Variants in SPAG17 observed in about 807,000 individuals in gnomAD.
The protein encoded by SPAG17 is sperm associated antigen 17, also known as sperm-associated antigen 17.
In SPAG17, 169 loss-of-function variants were observed where a neutral mutation model predicts 273.6. That is an observed-to-expected ratio of 0.62 (90% CI 0.55 to 0.70). SPAG17 has a LOEUF of 0.70. SPAG17 is among the 30% of genes least tolerant of loss of function. The pLI, the probability that SPAG17 is intolerant of heterozygous loss-of-function variation, is 0.00. For missense variants in SPAG17, 2,557 were observed against 2,627.8 expected (o/e 0.97, Z 0.59); for synonymous variants, 825 against 873.2 (o/e 0.94, Z 0.97).
intron 43 of SPAG17, among the ~76,000 whole-genome samples, chr1:117,977,432 G>A (rs952818457): frequency 6.6e-6 from 1 of 152,214 alleles, no homozygotes; most frequent in African/African-American, 2.4e-5. Context: ...CCCTAGCTCA[G>A]TCACAAATTT....
intron 3 of SPAG17, among the ~76,000 whole-genome samples, chr1:118,138,584 C>A (rs1308592477): frequency 6.6e-6 from 1 of 152,126 alleles, no homozygotes; most frequent in Non-Finnish European, 1.5e-5. Flanking sequence ...AACCAAATTT[C>A]TTTGTGAACC....
chr1:117,978,702 T>C (rs533346646), intron 43 of SPAG17, among the ~76,000 whole-genome samples: 56 of 152,304 alleles, frequency 3.7e-4, no homozygotes, highest in African/African-American at 1.3e-3. Context: ...GCTCTGAAAC[T>C]GCCCTTGTTA....
chr1:117,991,620 A>G (rs1657085963), intron 36 of SPAG17, 92 bp from the exon 37 acceptor site: 2 of 743,874 alleles, frequency 2.7e-6, no homozygotes, highest in Non-Finnish European at 2.2e-6. Context: ...ATTACAAAAA[A>G]TGAAGAATAT....
rs766895248 is a variant in SPAG17 at position 118,085,950 on chromosome 1, A to T, written c.1734T>A (p.Ile578=). The change falls in exon 13 of 49, where the codon ATT becomes ATA. Residue 578 remains isoleucine (I), a synonymous_variant. Transcript: ENST00000336338. The part of the protein sequence containing the change: ...PWNNTKRLAT[I]HELMHFCTSD... ...TCGTACAAAAGTGCATAAGCTCATG[A>T]ATTGTAGCTAGACGTTTAGTGTTGT... The T allele has an allele frequency of 9.9e-6, 16 of 1,610,160 alleles. No homozygotes were observed. Among genetic ancestry groups the T allele is most frequent in the Non-Finnish European group, 1.3e-5 (15 of 1,178,804 alleles).
chr1:117,991,333 G>T, intron 37 of SPAG17, 82 bp downstream of exon 37: 2 of 801,316 alleles, frequency 2.5e-6, no homozygotes, highest in South Asian at 2.4e-5. Flanking sequence ...GGCAGAAGCA[G>T]CTATTTCTTA....
intron 34 of SPAG17, among the ~76,000 whole-genome samples, chr1:117,995,428 A>G (rs1657544412): frequency 6.6e-6 from 1 of 152,082 alleles, no homozygotes; most frequent in African/African-American, 2.4e-5. Flanking sequence ...GCCAGTGTTT[A>G]GTACATGGTG....
chr1:118,050,868 G>A (rs1473346449), intron 20 of SPAG17, among the ~76,000 whole-genome samples: 2 of 151,766 alleles, frequency 1.3e-5, no homozygotes, highest in Admixed American at 1.3e-4. Flanking sequence ...AAAAGCACAG[G>A]CAACAAAAAC....
intron 1 of SPAG17, among the ~76,000 whole-genome samples, chr1:118,177,845 C>T (rs1322257219): frequency 6.6e-6 from 1 of 152,046 alleles, no homozygotes; most frequent in Non-Finnish European, 1.5e-5. Context: ...CTAACACATA[C>T]AACTTACTGA....
chr1:118,157,553 G>A (rs1570798752), intron 1 of SPAG17, among the ~76,000 whole-genome samples: 1 of 152,186 alleles, frequency 6.6e-6, no homozygotes, highest in Non-Finnish European at 1.5e-5. Context: ...CTGCACAATG[G>A]GGCCAATGAT....
intron 20 of SPAG17, among the ~76,000 whole-genome samples, chr1:118,049,592 G>A (rs1002208686): frequency 2.6e-5 from 4 of 152,216 alleles, no homozygotes; most frequent in Admixed American, 6.5e-5. Context: ...AAAAATGTCC[G>A]TGCTACCCAA....
intron 3 of SPAG17, among the ~76,000 whole-genome samples, chr1:118,133,335 A>G (rs1272123109): frequency 6.6e-6 from 1 of 152,048 alleles, no homozygotes; most frequent in African/African-American, 2.4e-5. Flanking sequence ...GAGGAGGGCA[A>G]TCCCCCTTCT....
chr1:117,994,768 C>T (rs555237464), intron 34 of SPAG17, among the ~76,000 whole-genome samples: 1 of 152,166 alleles, frequency 6.6e-6, no homozygotes, highest in Admixed American at 6.6e-5. Context: ...GACACCTCAT[C>T]GTCCCTCACC....
intron 21 of SPAG17, 60 bp from the exon 22 acceptor site, chr1:118,040,901 T>C: frequency 8.5e-7 from 1 of 1,171,100 alleles, no homozygotes; most frequent in Non-Finnish European, 1.3e-6. Flanking sequence ...AATCAACTTA[T>C]CAGTGTTAGC....
chr1:118,097,404 T>A (rs549750220), intron 7 of SPAG17, among the ~76,000 whole-genome samples: 3 of 152,226 alleles, frequency 2.0e-5, no homozygotes, highest in Non-Finnish European at 4.4e-5. Flanking sequence ...CAAAGCCACG[T>A]GTCACCATAT....
At chr1:118,048,807 A>C (rs1355836534) in intron 20 of SPAG17, among the ~76,000 whole-genome samples, 1 of 152,106 alleles carries the variant, frequency 6.6e-6, no homozygotes, top group South Asian at 2.1e-4. Context: ...GAGGCACAAG[A>C]ATTGCTTAAA....
At chr1:118,125,595 T>C (rs1657676574) in intron 3 of SPAG17, among the ~76,000 whole-genome samples, 1 of 152,356 alleles carries the variant, frequency 6.6e-6, no homozygotes, top group East Asian at 1.9e-4. Flanking sequence ...AGCTCACTTT[T>C]AGCTCCACAT....
chr1:118,117,140 T>C (rs1158816055), intron 3 of SPAG17, among the ~76,000 whole-genome samples: 1 of 152,232 alleles, frequency 6.6e-6, no homozygotes, highest in Non-Finnish European at 1.5e-5. Flanking sequence ...TGACATCTGA[T>C]TCAAAACATT....
chr1:118,169,135 T>C (rs1660304472), intron 1 of SPAG17, among the ~76,000 whole-genome samples: 1 of 152,228 alleles, frequency 6.6e-6, no homozygotes, highest in Non-Finnish European at 1.5e-5. Context: ...TTTACTTATA[T>C]TTAATATTTT....
At chr1:118,008,264 A>T in intron 30 of SPAG17, 66 bp from the exon 31 acceptor site, 1 of 1,564,058 alleles carries the variant, frequency 6.4e-7, no homozygotes, top group Non-Finnish European at 8.7e-7. Flanking sequence ...ACCTCAGCCT[A>T]TTGATTTTGC....
Sources: allele counts gnomAD v4.1 joint callset (sites outside exome capture counted in the v4.1 genomes callset), GRCh38; gene constraint gnomAD v4.1.1; transcripts MANE v1.5; gene names NCBI Gene and HGNC (gene_info 2026-07-23, HGNC 2026-07-21).